The following TMEM192 variants were observed in gnomAD, a reference collection of about 807,000 sequenced individuals.
The protein encoded by TMEM192 is transmembrane protein 192.
A neutral mutation model predicts 26.7 loss-of-function variants in TMEM192; 20 were observed. The observed-to-expected ratio is 0.75, with a 90% CI of 0.53 to 1.09. TMEM192 has a LOEUF of 1.09. Ranked by LOEUF, TMEM192 falls within the 50% of genes least tolerant of loss-of-function variation. The probability of loss-of-function intolerance (pLI) is 0.00; values close to 1 mark genes in which losing one functional copy is unlikely to be tolerated. For synonymous variants in TMEM192, 124 were observed against 121.0 expected (o/e 1.02, Z -0.16); for missense variants, 304 against 322.6 (o/e 0.94, Z 0.44).
intron 3 of TMEM192, among the ~76,000 whole-genome samples, chr4:165,091,760 G>T (rs1014020845): frequency 1.3e-5 from 2 of 152,134 alleles, no homozygotes; most frequent in African/African-American, 4.8e-5. Flanking sequence ...AAAAACTTAG[G>T]AATGATTTTT....
At chr4:165,108,269 C>T (rs1263241677) in intron 1 of TMEM192, among the ~76,000 whole-genome samples, 1 of 151,630 alleles carries the variant, frequency 6.6e-6, no homozygotes, top group Non-Finnish European at 1.5e-5. Context: ...ATACAGGCAC[C>T]CAGCACCACG....
intron 1 of TMEM192, among the ~76,000 whole-genome samples, chr4:165,108,669 A>G (rs1038200758): frequency 6.6e-6 from 1 of 152,020 alleles, no homozygotes; most frequent in African/African-American, 2.4e-5. Flanking sequence ...CAATCCTTTT[A>G]GGTGGTTCTT....
intron 2 of TMEM192, among the ~76,000 whole-genome samples, chr4:165,101,100 C>T (rs1351498871): frequency 1.3e-5 from 2 of 150,958 alleles, no homozygotes; most frequent in Non-Finnish European, 1.5e-5. Context: ...CCTCAGCCTC[C>T]CGAGTAGCTG....
At chr4:165,084,592 G>A (rs1241574898) in intron 5 of TMEM192, among the ~76,000 whole-genome samples, 1 of 151,770 alleles carries the variant, frequency 6.6e-6, no homozygotes, top group East Asian at 1.9e-4. Flanking sequence ...AGATTATATA[G>A]ATCCAAAAGC....
At chr4:165,104,697 A>C (rs1196497783) in intron 1 of TMEM192, among the ~76,000 whole-genome samples, 1 of 151,968 alleles carries the variant, frequency 6.6e-6, no homozygotes. Flanking sequence ...TGCCCGGCTA[A>C]TTTTTGTATT....
chr4:165,090,251 G>A (rs1734728113), intron 3 of TMEM192, among the ~76,000 whole-genome samples: 1 of 148,252 alleles, frequency 6.7e-6, no homozygotes, highest in South Asian at 2.1e-4. Flanking sequence ...ATGGTGGCAG[G>A]ACACGCCTGT....
chr4:165,100,309 A>G (rs961615463), intron 3 of TMEM192, among the ~76,000 whole-genome samples: 3 of 151,840 alleles, frequency 2.0e-5, no homozygotes, highest in Admixed American at 6.6e-5. Flanking sequence ...ACAGGCATGC[A>G]CCACCACGCC....
At chr4:165,090,964 A>C (rs1462795875) in intron 3 of TMEM192, among the ~76,000 whole-genome samples, 1 of 145,204 alleles carries the variant, frequency 6.9e-6, no homozygotes, top group Non-Finnish European at 1.5e-5. Flanking sequence ...CTGGTAGGTC[A>C]GAAGTACGGG....
At chr4:165,088,254 T>C (rs1734671954) in intron 4 of TMEM192, among the ~76,000 whole-genome samples, 1 of 152,152 alleles carries the variant, frequency 6.6e-6, no homozygotes. Flanking sequence ...TTCACTTGCA[T>C]TAACAAAAAT....
intron 3 of TMEM192, among the ~76,000 whole-genome samples, chr4:165,091,928 C>A (rs1358221656): frequency 1.3e-5 from 2 of 151,986 alleles, no homozygotes; most frequent in Non-Finnish European, 2.9e-5. Flanking sequence ...TCCTAGGAGC[C>A]CATTCTGGTC....
At position 165,071,070 on chromosome 4, in the gene TMEM192, T is replaced by C. The variant is rs1333675824; in HGVS notation, c.*8588A>G. ...GGAATCATTGCAAGACCTCAGGTGA[T>C]GCCTGGAGCCACAGATAGTACTAAA... On this transcript the variant is annotated 3_prime_UTR_variant, in exon 6 of 6. Transcript: ENST00000306480. The C allele has an allele frequency of 6.6e-6, 1 of 152,184 alleles. No homozygotes were observed. The highest frequency in any genetic ancestry group is 1.5e-5 in the Non-Finnish European group (1 of 68,044). The allele number at this position is 152,184 out of a possible 1,614,324, so 9.4% of individuals were successfully genotyped here. A position where few individuals can be genotyped will look rare whatever the true frequency, so the allele number is the denominator to read the frequency against.
intron 2 of TMEM192, among the ~76,000 whole-genome samples, chr4:165,101,102 G>A (rs1206096473): frequency 2.0e-5 from 3 of 148,138 alleles, no homozygotes; most frequent in Admixed American, 1.4e-4. Context: ...TCAGCCTCCC[G>A]AGTAGCTGGG....
chr4:165,094,974 CAA>C (rs11289599), intron 3 of TMEM192, among the ~76,000 whole-genome samples: 76 of 137,434 alleles, frequency 5.5e-4, no homozygotes, highest in East Asian at 8.3e-4. Flanking sequence ...AACTCAGTCT[CAA>C]AAAAAAAAAA....
intron 1 of TMEM192, among the ~76,000 whole-genome samples, chr4:165,107,429 C>G (rs571375415): frequency 1.3e-5 from 2 of 151,998 alleles, no homozygotes; most frequent in Admixed American, 6.6e-5. Flanking sequence ...CTCCGTGCCC[C>G]CCTCCCCAGG....
At chr4:165,089,095 C>T (rs1037254287) in intron 3 of TMEM192, among the ~76,000 whole-genome samples, 2 of 131,018 alleles carry the variant, frequency 1.5e-5, no homozygotes, top group African/African-American at 2.8e-5. Flanking sequence ...CCAGAGAAAA[C>T]TATTCTTATG....
chr4:165,087,483 G>A (rs1279103246), intron 4 of TMEM192, among the ~76,000 whole-genome samples: 1 of 152,154 alleles, frequency 6.6e-6, no homozygotes, highest in East Asian at 1.9e-4. Flanking sequence ...TACGTTTCTA[G>A]GATTCTGATT....
intron 1 of TMEM192, among the ~76,000 whole-genome samples, chr4:165,111,322 G>C (rs1411695350): frequency 6.6e-6 from 1 of 152,138 alleles, no homozygotes; most frequent in African/African-American, 2.4e-5. Flanking sequence ...TCAAACTCCT[G>C]ACCTCAGGTT....
rs1734434476 is a variant in TMEM192 at position 165,078,272 on chromosome 4, A to G, written c.*1386T>C. On this transcript the variant is annotated 3_prime_UTR_variant, in exon 6 of 6. Transcript: ENST00000306480. ...GCTAATGATCAAAAAAGATTAACAC[A>G]GTCATAAATATCCCCTCCCCTCATA... 1 of 152,198 alleles carries G rather than the reference A, an allele frequency of 6.6e-6. No individual in the cohort carries two copies. The highest frequency in any genetic ancestry group is 2.4e-5 in the African/African-American group (1 of 41,448). 9.4% of individuals were successfully genotyped at this position (152,198 alleles called of 1,614,324 possible).
At chr4:165,093,286 G>A (rs1428829751) in intron 3 of TMEM192, among the ~76,000 whole-genome samples, 4 of 151,404 alleles carry the variant, frequency 2.6e-5, no homozygotes, top group South Asian at 2.1e-4. Flanking sequence ...TAGTAGAGAC[G>A]GGGTTTCACC....
Sources: allele counts gnomAD v4.1 joint callset (sites outside exome capture counted in the v4.1 genomes callset), GRCh38; gene constraint gnomAD v4.1.1; transcripts MANE v1.5; gene names NCBI Gene and HGNC (gene_info 2026-07-23, HGNC 2026-07-21).